KDM4C: variants seen among roughly 807,000 people sequenced by gnomAD.
KDM4C encodes the protein lysine demethylase 4C.
In KDM4C, 81 loss-of-function variants were observed where a neutral mutation model predicts 129.3. The observed-to-expected ratio is 0.63, with a 90% confidence interval of 0.52 to 0.75. KDM4C has a LOEUF of 0.75. Ranked by LOEUF, KDM4C falls within the 30% of genes least tolerant of loss-of-function variation. KDM4C has a pLI of 0.00. For missense variants in KDM4C, 1,457 were observed against 1,304.0 expected, an observed-to-expected ratio of 1.12 and a Z score of -1.81; for synonymous variants, 573 against 456.1, an observed-to-expected ratio of 1.26 and a Z score of -3.26.
intron 15 of KDM4C, among the ~76,000 whole-genome samples, chr9:7,046,485 GC>G (rs1440065772): frequency 6.6e-6 from 1 of 151,930 alleles, no homozygotes; most frequent in Non-Finnish European, 1.5e-5. Flanking sequence ...AGAGCACAAG[GC>G]TACACCGTCG....
chr9:7,060,589 C>T (rs892386926), intron 17 of KDM4C, among the ~76,000 whole-genome samples: 2 of 151,884 alleles, frequency 1.3e-5, no homozygotes, highest in African/African-American at 2.4e-5. Context: ...TCAAGTGATT[C>T]TCCTGCCTCA....
chr9:6,849,084 C>T (rs935596835), intron 4 of KDM4C, among the ~76,000 whole-genome samples: 3 of 152,078 alleles, frequency 2.0e-5, no homozygotes, highest in South Asian at 2.1e-4. Context: ...TGAATATTAC[C>T]TCTAAACTAA....
chr9:6,743,689 G>A (rs1817778993), intron 1 of KDM4C, among the ~76,000 whole-genome samples: 1 of 151,972 alleles, frequency 6.6e-6, no homozygotes, highest in Non-Finnish European at 1.5e-5. Flanking sequence ...CTGTATTTTA[G>A]TAGAGACAGG....
At chr9:6,961,214 A>G (rs952274225) in intron 8 of KDM4C, among the ~76,000 whole-genome samples, 1 of 152,240 alleles carries the variant, frequency 6.6e-6, no homozygotes, top group Admixed American at 6.5e-5. Flanking sequence ...AAATATTGCT[A>G]TAGCCTAATA....
chr9:6,988,078 T>G (rs1264556761), intron 11 of KDM4C, among the ~76,000 whole-genome samples: 2 of 142,604 alleles, frequency 1.4e-5, no homozygotes, highest in Non-Finnish European at 3.0e-5. Flanking sequence ...TCACTCGAGC[T>G]CAGGAATTCA....
At chr9:6,887,709 AAT>A (rs1845504863) in intron 6 of KDM4C, among the ~76,000 whole-genome samples, 1 of 152,212 alleles carries the variant, frequency 6.6e-6, no homozygotes, top group Non-Finnish European at 1.5e-5. Context: ...AAAGTTGAGT[AAT>A]TTTACAGGTT....
intron 12 of KDM4C, among the ~76,000 whole-genome samples, chr9:7,010,986 G>C (rs771380139): frequency 3.3e-5 from 5 of 152,168 alleles, no homozygotes; most frequent in Non-Finnish European, 5.9e-5. Context: ...GGTGGTTGCA[G>C]TGAGCTGAGA....
rs953239350 is a variant in KDM4C, at chr9:6,758,784, G to T, written c.-18+581G>T. On this transcript the variant is annotated intron_variant, in intron 1 of 21. Transcript: ENST00000381309. This position sits in a 1 kb window ranked among gnomAD's most constrained non-coding sequence, Gnocchi z 4.6. Reference sequence around the variant, plus strand: ...CTGCAGTGCCTGGAGGAACCATGATGCGGTGTAGACGGCGGGTGCTTAAAT... The same window carrying T: ...CTGCAGTGCCTGGAGGAACCATGATTCGGTGTAGACGGCGGGTGCTTAAAT... 5.3e-5 allele frequency among the ~76,000 whole-genome samples: 8 copies of T among 152,250 alleles called. No individual in the cohort carries two copies. The highest frequency in any genetic ancestry group is 1.2e-4 in the Non-Finnish European group (8 of 68,050).
At chr9:6,899,681 C>T (rs146516279) in intron 8 of KDM4C, among the ~76,000 whole-genome samples, 7 of 152,130 alleles carry the variant, frequency 4.6e-5, no homozygotes, top group Non-Finnish European at 1.0e-4. Context: ...TCTTTTTATA[C>T]TGAAAAAATA....
chr9:6,733,886 A>G (rs1448965655), intron 1 of KDM4C, among the ~76,000 whole-genome samples: 1 of 152,108 alleles, frequency 6.6e-6, no homozygotes, highest in Non-Finnish European at 1.5e-5. Flanking sequence ...GCTTTTGTAA[A>G]CTGTCATGGC....
intron 1 of KDM4C, among the ~76,000 whole-genome samples, chr9:6,739,675 G>A (rs1003489886): frequency 6.7e-6 from 1 of 149,420 alleles, no homozygotes. Context: ...TTGATCAGCA[G>A]GATATGGTAG....
At chr9:7,155,703 C>A (rs548611383) in intron 19 of KDM4C, among the ~76,000 whole-genome samples, 3 of 152,332 alleles carry the variant, frequency 2.0e-5, no homozygotes, top group African/African-American at 7.2e-5. Flanking sequence ...TTTTTTATGG[C>A]TGACATGGTA....
intron 15 of KDM4C, among the ~76,000 whole-genome samples, chr9:7,031,172 G>C (rs7865927): frequency 1.2e-5 from 1 of 83,198 alleles, no homozygotes; most frequent in Non-Finnish European, 2.8e-5. Flanking sequence ...ATTTATTTAT[G>C]TATGTTTTGA....
At chr9:7,004,867 G>A (rs1260717679) in intron 12 of KDM4C, among the ~76,000 whole-genome samples, 1 of 152,094 alleles carries the variant, frequency 6.6e-6, no homozygotes, top group Admixed American at 6.5e-5. Context: ...AAATTTTCTG[G>A]ATGGCTGCTG....
chr9:6,892,076 C>T (rs1297744780), intron 7 of KDM4C, among the ~76,000 whole-genome samples: 1 of 152,136 alleles, frequency 6.6e-6, no homozygotes, highest in African/African-American at 2.4e-5. Context: ...GAACATACAG[C>T]ATTTGCTAAA....
intron 8 of KDM4C, among the ~76,000 whole-genome samples, chr9:6,945,791 G>A (rs181398754): frequency 6.6e-6 from 1 of 152,178 alleles, no homozygotes; most frequent in Admixed American, 6.5e-5. Context: ...AACATGTTAA[G>A]GTCTTGAATC....
At chr9:6,798,032 G>C (rs1435204021) in intron 2 of KDM4C, among the ~76,000 whole-genome samples, 1 of 152,176 alleles carries the variant, frequency 6.6e-6, no homozygotes, top group Non-Finnish European at 1.5e-5. Flanking sequence ...AAGAAAATCT[G>C]ATGTCTTAGG....
At chr9:7,037,135 G>A in intron 15 of KDM4C, among the ~76,000 whole-genome samples, 1 of 152,112 alleles carries the variant, frequency 6.6e-6, no homozygotes, top group East Asian at 1.9e-4. Context: ...CTGTTAATGT[G>A]ATTAATTACT....
intron 19 of KDM4C, among the ~76,000 whole-genome samples, chr9:7,158,839 T>C (rs1328814027): frequency 6.6e-6 from 1 of 152,224 alleles, no homozygotes; most frequent in Non-Finnish European, 1.5e-5. Context: ...TGGAGAGTCC[T>C]GTAGATGTCT....
Sources: allele counts gnomAD v4.1 joint callset (sites outside exome capture counted in the v4.1 genomes callset), GRCh38; gene constraint gnomAD v4.1.1; non-coding constraint Gnocchi (gnomAD v3.1); transcripts MANE v1.5; gene names NCBI Gene and HGNC (gene_info 2026-07-23, HGNC 2026-07-21).